XDH: variants seen among roughly 807,000 people sequenced by gnomAD.
XDH encodes the protein xanthine dehydrogenase/oxidase.
In XDH, 138 loss-of-function variants were observed where a neutral mutation model predicts 156.1. That is an observed-to-expected ratio of 0.88 (90% CI 0.77 to 1.02). The LOEUF is 1.02. Among genes scored for constraint, XDH ranks in the 50% least tolerant of loss-of-function variants. The probability of loss-of-function intolerance (pLI) is 0.00; values close to 1 mark genes in which losing one functional copy is unlikely to be tolerated. For synonymous variants in XDH, 669 were observed against 625.7 expected (o/e 1.07, Z -1.03); for missense variants, 1,849 against 1,684.9 (o/e 1.10, Z -1.71).
At chr2:31,385,401 G>A (rs551197166) in intron 9 of XDH, among the ~76,000 whole-genome samples, 80 of 152,210 alleles carry the variant, frequency 5.3e-4, no homozygotes, top group African/African-American at 1.8e-3. Context: ...CACGAGGGAG[G>A]CGTCCATTCT....
At position 31,335,926 on chromosome 2, in the gene XDH, A is replaced by C. The variant is rs1684958951; in HGVS notation, c.*32T>G. 2 of 1,613,632 alleles carry C rather than the reference A, an allele frequency of 1.2e-6. No individual in the cohort carries two copies. The highest frequency in any genetic ancestry group is 2.7e-5 in the African/African-American group (2 of 75,046). ...TCCTGCTCCATGGAAGCCCAAAGGC[A>C]GCACAAGAAGACTCTGCTGAGGACT... On this transcript the variant is annotated 3_prime_UTR_variant, in exon 36 of 36. Transcript: ENST00000379416.
Position 31,348,935 on chromosome 2 carries a change from C to T in XDH, c.3015G>A (p.Lys1005=), listed in dbSNP as rs1685375961. 1 of 1,613,590 alleles carries T rather than the reference C, an allele frequency of 6.2e-7. No homozygotes were observed. The highest frequency in any genetic ancestry group is 8.5e-7 in the Non-Finnish European group (1 of 1,179,442). Residue 1005 remains lysine (K), a synonymous_variant, in exon 27 of 36, where the codon AAG becomes AAA. Transcript: ENST00000379416. ...AAGGAACTGTAAAGCTTATTCCAAA[C>T]TTGGTGGGAATTATGCACAATCCTC... ...KKRGLCIIPT[K]FGISFTVPFL... is the part of the protein sequence containing the mutation.
intron 17 of XDH, 72 bp downstream of exon 17, chr2:31,372,156 G>T: frequency 1.2e-6 from 2 of 1,610,982 alleles, no homozygotes; most frequent in Non-Finnish European, 1.7e-6. Flanking sequence ...AGCAGGGTGA[G>T]AGAAGTCTCC....
In XDH at chr2:31,366,036, A is replaced by T; in HGVS notation, c.2396T>A (p.Phe799Tyr). The stretch of plus-strand genomic sequence containing the variant: ...AGTGCTCCGGGTCTCCTTGCCTCCA[A>T]AGCCTCCTCCCATTCTCTTCACTCG... ...VVRVKRMGGG[F>Y]GGKETRSTVV... The change falls in exon 22 of 36, where the codon TTT (phenylalanine) becomes TAT (tyrosine). Residue 799 changes from phenylalanine (F) to tyrosine (Y), a missense_variant. Coordinates refer to ENST00000379416, the MANE Select transcript of XDH (RefSeq NM_000379.4). 3.1e-6 allele frequency: 5 copies of T among 1,614,148 alleles called. No homozygotes were observed. Among genetic ancestry groups the T allele is most frequent in the Non-Finnish European group, 4.2e-6 (5 of 1,180,020 alleles).
chr2:31,353,938 AC>A (rs1685558246), intron 24 of XDH, among the ~76,000 whole-genome samples: 1 of 152,042 alleles, frequency 6.6e-6, no homozygotes, highest in Admixed American at 6.5e-5. Context: ...CTGTACCTAC[AC>A]CTTATGATGG....
chr2:31,382,002 C>T (rs138620193), intron 11 of XDH, among the ~76,000 whole-genome samples: 1,833 of 152,276 alleles, frequency 0.012, 21 homozygotes, highest in South Asian at 0.029. Context: ...TTTCACCCAA[C>T]CTTTTCCCGA....
At chr2:31,401,358 T>C in intron 3 of XDH, 30 bp from the exon 4 acceptor site, 3 of 1,610,732 alleles carry the variant, frequency 1.9e-6, no homozygotes, top group Non-Finnish European at 2.5e-6. Context: ...TCATTCCATT[T>C]ATTGTCCACT....
rs201301387 is a variant in XDH, at chr2:31,368,651, C to T, written c.1990G>A (p.Val664Ile). ...TVFAKDKVTC[V>I]GHIIGAVVAD... ...ACCACAGCACCAATGATATGCCCAA[C>T]ACAAGTAACCTAGTAGCAGAGACAG... The change falls in exon 19 of 36, where the codon GTT becomes ATT. Residue 664 changes from valine (V) to isoleucine (I), a missense_variant. Physicochemically the swap from Val to Ile is conservative, Grantham distance 29 (BLOSUM62 3). Coordinates refer to ENST00000379416, the MANE Select transcript of XDH (RefSeq NM_000379.4). 2,003 of 1,614,214 alleles carry T rather than the reference C, an allele frequency of 1.2e-3. 36 individuals carry two copies. The South Asian group carries it at 0.02, about 16-fold the overall frequency.
chr2:31,360,733 T>C (rs1165424399), intron 24 of XDH, among the ~76,000 whole-genome samples: 2 of 152,164 alleles, frequency 1.3e-5, no homozygotes, highest in African/African-American at 4.8e-5. Context: ...GTTCTTGGAA[T>C]GTATCTCCTC....
Position 31,357,401 on chromosome 2 carries a change from G to A in XDH, c.2631+6757C>T, listed in dbSNP as rs545205031. Among the ~76,000 whole-genome samples, 31 of 152,158 alleles carry A rather than the reference G, an allele frequency of 2.0e-4. No homozygotes were observed. The East Asian group carries it at 4.1e-3, about 20-fold the overall frequency. On this transcript the variant is annotated intron_variant, in intron 24 of 35. Coordinates refer to ENST00000379416, the MANE Select transcript of XDH (RefSeq NM_000379.4). ...AATTACCAAATCAGGATTGAAACAC[G>A]GGCTATCACTACAGACCCTGAAGAC... is the stretch of plus-strand genomic sequence containing the variant.
At chr2:31,414,152 A>G (rs1365006659) in intron 1 of XDH, among the ~76,000 whole-genome samples, 1 of 152,158 alleles carries the variant, frequency 6.6e-6, no homozygotes, top group African/African-American at 2.4e-5. Flanking sequence ...TATATATAAT[A>G]TATTAGAATC....
intron 11 of XDH, among the ~76,000 whole-genome samples, chr2:31,382,227 A>G (rs1334084060): frequency 1.3e-5 from 2 of 152,174 alleles, no homozygotes; most frequent in Non-Finnish European, 2.9e-5. Context: ...ATGAAAATAC[A>G]ATTCTTCCTG....
At chr2:31,414,526 G>C in intron 1 of XDH, 99 bp downstream of exon 1, 6 of 1,517,844 alleles carry the variant, frequency 4.0e-6, no homozygotes, top group Non-Finnish European at 5.5e-6. Flanking sequence ...CAAGTAAGAG[G>C]GGACAGGAAA....
Position 31,335,735 on chromosome 2 carries a change from C to T in XDH, c.*223G>A, listed in dbSNP as rs1003431081. The T allele has an allele frequency of 3.2e-6, 2 of 619,818 alleles. No homozygotes were observed. Among genetic ancestry groups the T allele is most frequent in the Admixed American group, 2.6e-5 (1 of 38,160 alleles). The allele number at this position is 619,818 out of a possible 1,614,324, so 38.4% of individuals were successfully genotyped here. A position where few individuals can be genotyped will look rare whatever the true frequency, so the allele number is the denominator to read the frequency against. ...CAGAAAATGATCCTAATTGCATATT[C>T]ACCATTTAGGCATAACAGTTTTGAA... is the stretch of plus-strand genomic sequence containing the variant. On this transcript the variant is annotated 3_prime_UTR_variant, in exon 36 of 36. Transcript: ENST00000379416.
intron 6 of XDH, among the ~76,000 whole-genome samples, chr2:31,396,750 G>C (rs902669368): frequency 2.6e-5 from 4 of 152,156 alleles, no homozygotes; most frequent in African/African-American, 9.7e-5. Flanking sequence ...ATCTGAATTT[G>C]TGCTTTTAGG....
intron 16 of XDH, among the ~76,000 whole-genome samples, chr2:31,372,797 GGAAAA>G (rs1686113544): frequency 6.6e-6 from 1 of 151,706 alleles, no homozygotes; most frequent in Admixed American, 6.6e-5. Context: ...CAATTATGTA[GGAAAA>G]GATAATATAT....
intron 6 of XDH, among the ~76,000 whole-genome samples, chr2:31,396,860 C>G (rs1403992775): frequency 6.6e-6 from 1 of 152,160 alleles, no homozygotes; most frequent in African/African-American, 2.4e-5. Flanking sequence ...TCCTTGTTTA[C>G]CCACCCCTTC....
At chr2:31,406,894 GA>G (rs1687204006) in intron 1 of XDH, among the ~76,000 whole-genome samples, 1 of 152,182 alleles carries the variant, frequency 6.6e-6, no homozygotes, top group African/African-American at 2.4e-5. Context: ...AGAAATGAAA[GA>G]GAAATCTCAA....
At chr2:31,355,999 A>C (rs1011035947) in intron 24 of XDH, among the ~76,000 whole-genome samples, 7 of 152,214 alleles carry the variant, frequency 4.6e-5, no homozygotes, top group Non-Finnish European at 2.9e-5. Flanking sequence ...AGTAGACTTC[A>C]GAGCAAATAC....
Sources: gnomAD v4.1 joint callset for allele counts (sites outside exome capture counted in the v4.1 genomes callset) on GRCh38, gnomAD v4.1.1 for gene constraint, MANE v1.5 for transcripts, NCBI Gene and HGNC (gene_info 2026-07-23, HGNC 2026-07-21) for gene names.